PHACTR2: variants seen among roughly 807,000 people sequenced by gnomAD.
The protein encoded by PHACTR2 is chromosome 6 open reading frame 56.
PHACTR2 carries 30 observed loss-of-function variants against 76.0 expected under a neutral mutation model. The observed-to-expected ratio is 0.39, with a 90% CI of 0.30 to 0.54. PHACTR2 has a LOEUF of 0.54. Ranked by LOEUF, PHACTR2 falls within the 20% of genes least tolerant of loss-of-function variation. The pLI is 0.61. For synonymous variants in PHACTR2, 292 were observed against 292.5 expected (o/e 1.00, Z 0.02); for missense variants, 696 against 781.1 (o/e 0.89, Z 1.30).
At position 143,774,061 on chromosome 6, in the gene PHACTR2, G is replaced by A; in HGVS notation, c.1435G>A (p.Ala479Thr). The change falls in exon 8 of 13, where the codon GCT becomes ACT. Residue 479 changes from alanine to threonine, a missense_variant and splice_region_variant. Transcript: ENST00000440869. This position sits in a 1 kb window ranked among gnomAD's most constrained non-coding sequence, Gnocchi z 5.4. Reference sequence around the variant, plus strand: ...TTCTGCTCTTTTTCAATCCTCAGGTGCTTTGGCAAGTAAAATACGCCGGAG... The same window carrying A: ...TTCTGCTCTTTTTCAATCCTCAGGTACTTTGGCAAGTAAAATACGCCGGAG... ...DEDEDGSGES[A>T]LASKIRRRDT... The A allele has an allele frequency of 6.2e-7, 1 of 1,613,236 alleles. No individual in the cohort carries two copies. Among genetic ancestry groups the A allele is most frequent in the Non-Finnish European group, 8.5e-7 (1 of 1,179,586 alleles).
At chr6:143,704,645 C>T (rs9321935) in intron 1 of PHACTR2, among the ~76,000 whole-genome samples, 66,479 of 151,948 alleles carry the variant, frequency 0.44, 14,791 homozygotes, top group Middle Eastern at 0.58. Flanking sequence ...AACACTGATA[C>T]TATTCCTGTT....
rs1245836326 is a variant in PHACTR2, at chr6:143,780,380, G to A, written c.1646-2839G>A. Among the ~76,000 whole-genome samples, 3 of 152,026 alleles carry A rather than the reference G, an allele frequency of 2.0e-5. No homozygotes were observed. The highest frequency in any genetic ancestry group is 2.9e-5 in the Non-Finnish European group (2 of 68,016). On this transcript the variant is annotated intron_variant, in intron 9 of 12. Coordinates refer to ENST00000440869, the MANE Select transcript of PHACTR2 (RefSeq NM_001100164.2). This position sits in a 1 kb window ranked among gnomAD's most constrained non-coding sequence, Gnocchi z 4.4. ...TAATCCCAAAGCCTTGTGAGGCCAA[G>A]GCAGGAGAATTGCTTGATGCCAGGA...
chr6:143,632,984 C>T (rs900108307), intron 1 of PHACTR2, among the ~76,000 whole-genome samples: 1 of 152,098 alleles, frequency 6.6e-6, no homozygotes, highest in East Asian at 1.9e-4. Context: ...CTGGACATAC[C>T]ACATTTTATT....
chr6:143,747,994 A>T (rs2128469547), intron 2 of PHACTR2, among the ~76,000 whole-genome samples: 1 of 152,220 alleles, frequency 6.6e-6, no homozygotes, highest in African/African-American at 2.4e-5. Context: ...AGGCATTTAC[A>T]TTTGTTCCAG....
chr6:143,618,860 T>C lies in PHACTR2; in HGVS notation c.13+10538T>C, dbSNP rs1173967537. On this transcript the variant is annotated intron_variant, in intron 1 of 11. Transcript: ENST00000305766. The surrounding 1 kb of genome is among the most constrained non-coding windows in gnomAD (Gnocchi z 5.2). ...CCCCTGTTGGAACACGTAGCAGATA[T>C]ACCATCATGCTGCTTCACGTGCTCC... Among the ~76,000 whole-genome samples the C allele has an allele frequency of 6.6e-6, 1 of 152,080 alleles. No homozygotes were observed. The highest frequency in any genetic ancestry group is 1.5e-5 in the Non-Finnish European group (1 of 68,028).
Position 143,543,489 on chromosome 6 carries a change from G to A in PHACTR2, c.217+6282G>A, listed in dbSNP as rs1425619572. 1.3e-5 allele frequency among the ~76,000 whole-genome samples: 2 copies of A among 152,212 alleles called. No individual in the cohort carries two copies. Among genetic ancestry groups the A allele is most frequent in the African/African-American group, 4.8e-5 (2 of 41,454 alleles). ...TAAGCTATGATTAGTGCCCTGTCCTGGGCCTGGGGGAGAACCTAGGATGGT... is the reference window on the plus strand; with the variant it reads ...TAAGCTATGATTAGTGCCCTGTCCTAGGCCTGGGGGAGAACCTAGGATGGT... On this transcript the variant is annotated intron_variant, in intron 1 of 11. Coordinates refer to the PHACTR2 transcript ENST00000367584. This position sits in a 1 kb window ranked among gnomAD's most constrained non-coding sequence, Gnocchi z 4.7.
intron 11 of PHACTR2, among the ~76,000 whole-genome samples, chr6:143,796,763 G>A (rs1221047588): frequency 1.3e-5 from 2 of 152,152 alleles, no homozygotes; most frequent in Non-Finnish European, 2.9e-5. Flanking sequence ...TGGCTGCATA[G>A]TGTTCCATGG....
At chr6:143,674,410 C>T (rs1387409911), upstream of PHACTR2, among the ~76,000 whole-genome samples, 2 of 152,128 alleles carry the variant, frequency 1.3e-5, no homozygotes, top group Non-Finnish European at 2.9e-5. This position sits in a 1 kb window ranked among gnomAD's most constrained non-coding sequence, Gnocchi z 4.9. Context: ...ATTTCCTTCC[C>T]ATTAAGAAAT....
intron 1 of PHACTR2, among the ~76,000 whole-genome samples, chr6:143,586,303 T>G (rs1284198536): frequency 6.6e-6 from 1 of 152,266 alleles, no homozygotes. Context: ...CATCACACTT[T>G]ACTTTTTGGC....
At chr6:143,788,642 C>CTTTTTTTTTT (rs200962238) in intron 10 of PHACTR2, 131 bp from the exon 11 acceptor site, 1 of 414,262 alleles carries the variant, frequency 2.4e-6, no homozygotes. Context: ...ATGCTGTTGC[C>CTTTTTTTTTT]TTTTTTTTTT....
rs1241265455 is a variant in PHACTR2, at chr6:143,561,697, C to T, written c.217+24490C>T. 1.3e-5 allele frequency among the ~76,000 whole-genome samples: 2 copies of T among 152,118 alleles called. No individual in the cohort carries two copies. The highest frequency in any genetic ancestry group is 2.9e-5 in the Non-Finnish European group (2 of 68,028). Reference sequence around the variant, plus strand: ...TTACCACGTGACCTTGAATGAAAGACGTTTGAGGGGAGTGGAAGGACAGGA... The same window carrying T: ...TTACCACGTGACCTTGAATGAAAGATGTTTGAGGGGAGTGGAAGGACAGGA... On this transcript the variant is annotated intron_variant, in intron 1 of 11. Transcript: ENST00000367584. This position sits in a 1 kb window ranked among gnomAD's most constrained non-coding sequence, Gnocchi z 4.1.
chr6:143,763,822 A>T lies in PHACTR2; in HGVS notation c.695-1439A>T, dbSNP rs1201860599. Among the ~76,000 whole-genome samples, 2 of 152,362 alleles carry T rather than the reference A, an allele frequency of 1.3e-5. 1 individual carries two copies. Among genetic ancestry groups the T allele is most frequent in the East Asian group, 3.9e-4 (2 of 5,176 alleles). ...ATAACTGGAGGTAAGTTATAATAAC[A>T]TCTGTATACAGTGTGGATTGGCTTC... On this transcript the variant is annotated intron_variant, in intron 5 of 12. Transcript: ENST00000440869.
chr6:143,803,126 C>A lies in PHACTR2; in HGVS notation c.1846-3931C>A, dbSNP rs1160362909. Among the ~76,000 whole-genome samples, 1 of 152,092 alleles carries A rather than the reference C, an allele frequency of 6.6e-6. No homozygotes were observed. Among genetic ancestry groups the A allele is most frequent in the Non-Finnish European group, 1.5e-5 (1 of 68,022 alleles). On this transcript the variant is annotated intron_variant, in intron 11 of 12. Transcript: ENST00000440869. The surrounding 1 kb of genome is among the most constrained non-coding windows in gnomAD (Gnocchi z 4.7). ...TGAGGTTAAAAGGCTTGTGTATGAG[C>A]CCCATGTTTGTCATTTAACCCTCAT...
At chr6:143,732,199 G>A (rs150533150) in intron 2 of PHACTR2, among the ~76,000 whole-genome samples, 367 of 152,282 alleles carry the variant, frequency 2.4e-3, no homozygotes, top group Non-Finnish European at 4.4e-3. Flanking sequence ...ATAGGTTTTA[G>A]TAATATTCAT....
chr6:143,577,539 T>C (rs35205240), intron 1 of PHACTR2, among the ~76,000 whole-genome samples: 93,146 of 151,286 alleles, frequency 0.62, 28,945 homozygotes, highest in Middle Eastern at 0.75. Flanking sequence ...GCAGAGGCAT[T>C]GAGATGAGAA....
rs1215039502 is a variant in PHACTR2 at position 143,818,937 on chromosome 6, T to A, written c.1923-4737T>A. On this transcript the variant is annotated intron_variant, in intron 12 of 12. Coordinates refer to ENST00000440869, the MANE Select transcript of PHACTR2 (RefSeq NM_001100164.2). The surrounding 1 kb of genome is among the most constrained non-coding windows in gnomAD (Gnocchi z 4.9). ...GTTTTCAGTTACTCTTTGAAATATT[T>A]TTATAGAACTTCCATATTTTGCTTC... 6.6e-6 allele frequency among the ~76,000 whole-genome samples: 1 copy of A among 152,224 alleles called. No homozygotes were observed. Among genetic ancestry groups the A allele is most frequent in the Non-Finnish European group, 1.5e-5 (1 of 68,040 alleles).
rs745478991 is a variant in PHACTR2 at position 143,561,931 on chromosome 6, C to G, written c.217+24724C>G. ...TTGAATGATAGCCTTCGGTTACTCT[C>G]TGTTCTCCAAATACATCCTCTCTTT... On this transcript the variant is annotated intron_variant, in intron 1 of 11. Coordinates refer to the PHACTR2 transcript ENST00000367584. The surrounding 1 kb of genome is among the most constrained non-coding windows in gnomAD (Gnocchi z 4.1). 4.6e-5 allele frequency: 7 copies of G among 152,236 alleles called. No homozygotes were observed. Among genetic ancestry groups the G allele is most frequent in the Admixed American group, 6.5e-5 (1 of 15,282 alleles). The allele number at this position is 152,236 out of a possible 1,614,324, so 9.4% of individuals were successfully genotyped here.
intron 10 of PHACTR2, 106 bp from the exon 11 acceptor site, chr6:143,788,667 G>A: frequency 4.8e-6 from 3 of 622,812 alleles, no homozygotes; most frequent in East Asian, 6.2e-5. Context: ...TGATCTGAAA[G>A]TGACCTTATT....
chr6:143,723,869 A>G (rs1778498895), intron 2 of PHACTR2, among the ~76,000 whole-genome samples: 1 of 152,192 alleles, frequency 6.6e-6, no homozygotes, highest in Non-Finnish European at 1.5e-5. Context: ...GGTTTTGTCA[A>G]GAGGTTGATC....
Sources: allele counts gnomAD v4.1 joint callset (sites outside exome capture counted in the v4.1 genomes callset), GRCh38; gene constraint gnomAD v4.1.1; non-coding constraint Gnocchi (gnomAD v3.1); transcripts MANE v1.5; gene names NCBI Gene and HGNC (gene_info 2026-07-23, HGNC 2026-07-21).